Variants in PLEKHG5 observed in about 807,000 individuals in gnomAD.
PLEKHG5 encodes pleckstrin homology and RhoGEF domain containing G5, also known as pleckstrin homology domain-containing family G member 5.
PLEKHG5 carries 52 observed loss-of-function variants against 103.8 expected under a neutral mutation model. The observed-to-expected ratio is 0.50, with a 90% CI of 0.40 to 0.63. The LOEUF is 0.63. Among genes scored for constraint, PLEKHG5 ranks in the 30% least tolerant of loss-of-function variants. The probability of loss-of-function intolerance (pLI) is 0.00; values close to 1 mark genes in which losing one functional copy is unlikely to be tolerated. For synonymous variants in PLEKHG5, 592 were observed against 575.5 expected, an observed-to-expected ratio of 1.03 and a Z score of -0.41; for missense variants, 1,205 against 1,347.6, an observed-to-expected ratio of 0.89 and a Z score of 1.66.
chr1:6,511,734 T>G (rs748620289), intron 1 of PLEKHG5, among the ~76,000 whole-genome samples: 16 of 152,216 alleles, frequency 1.1e-4, no homozygotes, highest in Non-Finnish European at 2.2e-4. Flanking sequence ...CCTCCAGGCC[T>G]GGAGTGGGCA....
chr1:6,500,423 C>T (rs1645283555), upstream of PLEKHG5, among the ~76,000 whole-genome samples: 1 of 152,068 alleles, frequency 6.6e-6, no homozygotes, highest in African/African-American at 2.4e-5. Context: ...CCTTGGGAGC[C>T]CTGCCTCTTC....
chr1:6,497,261 A>G, upstream of PLEKHG5: 1 of 896,664 alleles, frequency 1.1e-6, no homozygotes, highest in Non-Finnish European at 1.8e-6. This position sits in a 1 kb window ranked among gnomAD's most constrained non-coding sequence, Gnocchi z 6.1. Flanking sequence ...GGAGGTTAGG[A>G]GCCGGCCCGG....
upstream of PLEKHG5, among the ~76,000 whole-genome samples, chr1:6,494,192 A>G (rs1645190282): frequency 1.5e-5 from 2 of 131,852 alleles, no homozygotes; most frequent in Admixed American, 9.1e-5. Flanking sequence ...GTGCAATGGC[A>G]TGATCTCAGT....
rs772693344 is a variant in PLEKHG5 at position 6,468,227 on chromosome 1, G to A, written c.2609C>T (p.Pro870Leu). 32 of 1,590,854 alleles carry A rather than the reference G, an allele frequency of 2.0e-5. No individual in the cohort carries two copies. The highest frequency in any genetic ancestry group is 1.1e-4 in the East Asian group (5 of 44,544). Reference sequence around the variant, plus strand: ...GGACTTAGACTTGAGCAGGTGGGGCGGGCAGCTCAACAGCTGGACAGGGGT... The same window carrying A: ...GGACTTAGACTTGAGCAGGTGGGGCAGGCAGCTCAACAGCTGGACAGGGGT... ...RRTPVQLLSC[P>L]PHLLKSKSEA... The change falls in exon 20 of 21, where the codon CCG becomes CTG. Residue 870 changes from proline to leucine, a missense_variant. Pro to Leu is a moderately conservative substitution (Grantham distance 98). Transcript: ENST00000377728.
At chr1:6,507,538 G>T (rs1638358100) in intron 1 of PLEKHG5, among the ~76,000 whole-genome samples, 1 of 152,176 alleles carries the variant, frequency 6.6e-6, no homozygotes, top group African/African-American at 2.4e-5. Context: ...GGCAGAGCTG[G>T]CTCTCCTAAC....
rs752131172 is a variant in PLEKHG5 at position 6,470,777 on chromosome 1, C to G, written c.1500G>C (p.Arg500Ser). 28 of 1,570,118 alleles carry G rather than the reference C, an allele frequency of 1.8e-5. No homozygotes were observed. Among genetic ancestry groups the G allele is most frequent in the Non-Finnish European group, 2.4e-5 (28 of 1,158,686 alleles). The change falls in exon 14 of 21, where the codon AGG becomes AGC. Residue 500 changes from arginine (R) to serine (S), a missense_variant. Physicochemically the swap from Arg to Ser is moderately radical, Grantham distance 110. Coordinates refer to ENST00000377728, the MANE Select transcript of PLEKHG5 (RefSeq NM_020631.6). ...KYPLLLKSVL[R>S]KTEEPRAKEA... ...CCTTGGCGCGCGGCTCCTCGGTCTT[C>G]CTCAGCACCGACTTGAGCAGCAGCG...
Position 6,467,425 on chromosome 1 carries a change from C to T in PLEKHG5, c.*138G>A, listed in dbSNP as rs573848391. The T allele has an allele frequency of 1.9e-5, 18 of 938,708 alleles. No individual in the cohort carries two copies. The highest frequency in any genetic ancestry group is 6.5e-5 in the South Asian group (5 of 77,512). 58.1% of individuals were successfully genotyped at this position (938,708 alleles called of 1,614,324 possible). On this transcript the variant is annotated 3_prime_UTR_variant, in exon 21 of 21. Transcript: ENST00000377728. ...AGTCCGGCAAAGCGCAAATCGGGCC[C>T]GGGCGTAGGCAGGGATCCTGCCCAG...
chr1:6,496,319 C>T (rs1645223266), upstream of PLEKHG5, among the ~76,000 whole-genome samples: 2 of 152,368 alleles, frequency 1.3e-5, no homozygotes, highest in East Asian at 3.9e-4. Context: ...GAGCTGGGGG[C>T]AGGCCCTCTG....
chr1:6,474,835 G>T, intron 5 of PLEKHG5: 1 of 666,014 alleles, frequency 1.5e-6, no homozygotes, highest in Admixed American at 2.2e-5. Flanking sequence ...CCTGGCTCCT[G>T]CATACATGAT....
chr1:6,519,605 G>T, exon 1 of PLEKHG5: 3 of 941,318 alleles, frequency 3.2e-6, no homozygotes, highest in Non-Finnish European at 3.5e-6. Context: ...TCTCCGTCCT[G>T]CTTTGCCCAG....
At chr1:6,475,296 G>C (rs943857913) in intron 4 of PLEKHG5, among the ~76,000 whole-genome samples, 158 bp from the exon 5 acceptor site, 21 of 122,084 alleles carry the variant, frequency 1.7e-4, no homozygotes, top group African/African-American at 7.0e-4. Flanking sequence ...CCCACCCTCC[G>C]GTCTCGGATG....
chr1:6,496,952 A>C, upstream of PLEKHG5: 1 of 1,524,452 alleles, frequency 6.6e-7, no homozygotes, highest in Non-Finnish European at 8.8e-7. Flanking sequence ...ATCCCTGAGA[A>C]CCTTACGCCC....
intron 1 of PLEKHG5, among the ~76,000 whole-genome samples, chr1:6,509,009 G>A (rs1292211086): frequency 2.0e-5 from 3 of 152,208 alleles, no homozygotes; most frequent in Admixed American, 2.0e-4. Flanking sequence ...AGTCACTGCT[G>A]GGTACAGACA....
At chr1:6,497,431 C>T (rs1645244690), upstream of PLEKHG5, 2 of 772,940 alleles carry the variant, frequency 2.6e-6, no homozygotes, top group Non-Finnish European at 3.1e-6. This position sits in a 1 kb window ranked among gnomAD's most constrained non-coding sequence, Gnocchi z 6.1. Context: ...GCACGGGAGG[C>T]GGGCGGGGCA....
At position 6,468,460 on chromosome 1, in the gene PLEKHG5, A is replaced by G. The variant is rs1310741039; in HGVS notation, c.2376T>C (p.Thr792=). The stretch of plus-strand genomic sequence containing the variant: ...CACTGGTGGGCGTGGCAGATGAGGC[A>G]GTGGTGCTGAGAGAGGTCTCATCAG... The part of the protein sequence containing the change: ...SQSDETSLST[T]ASSATPTSEL... Residue 792 remains threonine, a synonymous_variant, in exon 20 of 21, where the codon ACT becomes ACC. Coordinates refer to ENST00000377728, the MANE Select transcript of PLEKHG5 (RefSeq NM_020631.6). 6.2e-7 allele frequency: 1 copy of G among 1,612,924 alleles called. No individual in the cohort carries two copies. Among genetic ancestry groups the G allele is most frequent in the African/African-American group, 1.3e-5 (1 of 74,908 alleles).
At chr1:6,503,275 G>A (rs1645315795) in intron 1 of PLEKHG5, among the ~76,000 whole-genome samples, 2 of 152,148 alleles carry the variant, frequency 1.3e-5, no homozygotes, top group Non-Finnish European at 2.9e-5. Context: ...AAACCAGCAG[G>A]GCCTGGTGGT....
chr1:6,493,235 G>C (rs1230950218), upstream of PLEKHG5, among the ~76,000 whole-genome samples: 1 of 152,208 alleles, frequency 6.6e-6, no homozygotes, highest in African/African-American at 2.4e-5. Context: ...TGGCCAGCCA[G>C]GGTCACTTCC....
At position 6,474,181 on chromosome 1, in the gene PLEKHG5, C is replaced by T. The variant is rs200894921; in HGVS notation, c.440-17G>A. On this transcript the variant is annotated splice_polypyrimidine_tract_variant and intron_variant, in intron 6 of 20. Coordinates refer to ENST00000377728, the MANE Select transcript of PLEKHG5 (RefSeq NM_020631.6). ...TGGCTGGGGCTGCATGTGGGGGCCA[C>T]GAGAGATCCTCAGTACCCTGGTCTG... is the stretch of plus-strand genomic sequence containing the variant. 1.1e-4 allele frequency: 170 copies of T among 1,612,918 alleles called. 2 individuals are homozygous for T. In the Admixed American group the frequency reaches 1.5e-3, roughly 15 times the overall value.
At chr1:6,485,450 C>G in intron 1 of PLEKHG5, 6 of 1,261,348 alleles carry the variant, frequency 4.8e-6, no homozygotes, top group Non-Finnish European at 4.0e-6. Context: ...CCATGGCGGC[C>G]GGAGGAAGCC....
Sources: allele counts gnomAD v4.1 joint callset (sites outside exome capture counted in the v4.1 genomes callset), GRCh38; gene constraint gnomAD v4.1.1; non-coding constraint Gnocchi (gnomAD v3.1); transcripts MANE v1.5; gene names NCBI Gene and HGNC (gene_info 2026-07-23, HGNC 2026-07-21).